SP140L: variants seen among roughly 807,000 people sequenced by gnomAD.
SP140L encodes SP140 like nuclear body protein, also known as nuclear body protein SP140-like protein.
A neutral mutation model predicts 84.3 loss-of-function variants in SP140L; 64 were observed. The observed-to-expected ratio is 0.76, with a 90% confidence interval of 0.62 to 0.94. The LOEUF is 0.94. Among genes scored for constraint, SP140L ranks in the 40% least tolerant of loss-of-function variants. SP140L has a pLI of 0.00. For missense variants in SP140L, 628 were observed against 692.5 expected (o/e 0.91, Z 1.05); for synonymous variants, 242 against 236.9 (o/e 1.02, Z -0.20).
At chr2:230,331,682 T>G (rs2059728522) in intron 2 of SP140L, among the ~76,000 whole-genome samples, 1 of 152,226 alleles carries the variant, frequency 6.6e-6, no homozygotes, top group Non-Finnish European at 1.5e-5. Context: ...TGAGTCCTTA[T>G]TGGGTCACTT....
chr2:230,337,251 T>G (rs1056582778), intron 2 of SP140L, among the ~76,000 whole-genome samples: 4 of 152,154 alleles, frequency 2.6e-5, no homozygotes, highest in Non-Finnish European at 5.9e-5. Context: ...CCAGTGATGA[T>G]GAGCATTTTT....
intron 2 of SP140L, among the ~76,000 whole-genome samples, chr2:230,348,881 C>A (rs1437732429): frequency 6.6e-6 from 1 of 152,120 alleles, no homozygotes; most frequent in Non-Finnish European, 1.5e-5. Flanking sequence ...TTGGGGAACC[C>A]AGTGAAAAAT....
Position 230,357,786 on chromosome 2 carries a change from T to C in SP140L, c.108-19T>C. Reference sequence around the variant, plus strand: ...CAGAATCTTGATGACCATTTTCATTTGGTGTCCTTTTTCCTTAGGCTGTTC... The same window carrying C: ...CAGAATCTTGATGACCATTTTCATTCGGTGTCCTTTTTCCTTAGGCTGTTC... On this transcript the variant is annotated intron_variant, in intron 2 of 18. Transcript: ENST00000415673. The C allele has an allele frequency of 6.3e-7, 1 of 1,589,638 alleles. No homozygotes were observed. Among genetic ancestry groups the C allele is most frequent in the Non-Finnish European group, 8.5e-7 (1 of 1,171,186 alleles).
At chr2:230,400,766 A>T in intron 15 of SP140L, 189 bp from the exon 16 acceptor site, 1 of 1,338,200 alleles carries the variant, frequency 7.5e-7, no homozygotes, top group Non-Finnish European at 1.0e-6. Flanking sequence ...TCCTGCTGCT[A>T]CCACTGATGC....
Position 230,344,748 on chromosome 2 carries a change from G to T in SP140L, c.108-13057G>T, listed in dbSNP as rs114932059. ...ATAATATTTTTAAATTACCCTTTTG[G>T]CTTCTTCTTTGACCTATTGGATATT... On this transcript the variant is annotated intron_variant, in intron 2 of 18. Coordinates refer to ENST00000415673, the MANE Select transcript of SP140L (RefSeq NM_138402.6). Among the ~76,000 whole-genome samples the T allele has an allele frequency of 3.8e-4, 58 of 151,874 alleles. 1 individual carries two copies. Among genetic ancestry groups the T allele is most frequent in the African/African-American group, 1.3e-3 (53 of 41,386 alleles).
intron 2 of SP140L, among the ~76,000 whole-genome samples, chr2:230,329,749 G>A (rs562635356): frequency 1.6e-4 from 25 of 152,198 alleles, no homozygotes; most frequent in African/African-American, 6.0e-4. Context: ...AACCTCTTTC[G>A]TTTATAAATT....
intron 2 of SP140L, among the ~76,000 whole-genome samples, chr2:230,330,244 T>C (rs1232688828): frequency 6.6e-6 from 1 of 152,222 alleles, no homozygotes; most frequent in Non-Finnish European, 1.5e-5. Flanking sequence ...GTTTTTATTC[T>C]TATCAATTTT....
In SP140L at chr2:230,371,840, C is replaced by T. The variant is rs760335169; in HGVS notation, c.637+189C>T. 1.8e-4 allele frequency: 107 copies of T among 590,714 alleles called. 1 individual carries two copies. The highest frequency in any genetic ancestry group is 5.5e-4 in the Admixed American group (20 of 36,410). 36.6% of individuals were successfully genotyped at this position (590,714 alleles called of 1,614,324 possible). On this transcript the variant is annotated intron_variant, in intron 7 of 18. Coordinates refer to ENST00000415673, the MANE Select transcript of SP140L (RefSeq NM_138402.6). Reference sequence around the variant, plus strand: ...GTAATCTGCTATCTTACATGGCAAACGGGACTTTACAGATACAATTAATTT... The same window carrying T: ...GTAATCTGCTATCTTACATGGCAAATGGGACTTTACAGATACAATTAATTT...
At chr2:230,330,153 A>G in intron 2 of SP140L, among the ~76,000 whole-genome samples, 1 of 151,922 alleles carries the variant, frequency 6.6e-6, no homozygotes, top group East Asian at 1.9e-4. Context: ...AATCTGGGAG[A>G]GTCATGGTTT....
chr2:230,370,062 G>A (rs559586521), intron 5 of SP140L, among the ~76,000 whole-genome samples: 45 of 152,240 alleles, frequency 3.0e-4, no homozygotes, highest in East Asian at 1.5e-3. Flanking sequence ...ATGAGCCACC[G>A]CACCCTGCCA....
chr2:230,344,408 A>G (rs1003350500), intron 2 of SP140L, among the ~76,000 whole-genome samples: 3 of 152,148 alleles, frequency 2.0e-5, no homozygotes, highest in Admixed American at 1.3e-4. Flanking sequence ...GCCTATGTGT[A>G]TCTTTGCACA....
At chr2:230,368,284 A>C (rs971767321) in intron 5 of SP140L, among the ~76,000 whole-genome samples, 6 of 152,128 alleles carry the variant, frequency 3.9e-5, no homozygotes, top group Non-Finnish European at 7.4e-5. Context: ...CAGCACCTTT[A>C]ATATGTCATT....
At chr2:230,332,480 TGAA>T (rs771627243) in intron 2 of SP140L, among the ~76,000 whole-genome samples, 73 of 152,244 alleles carry the variant, frequency 4.8e-4, no homozygotes, top group Non-Finnish European at 1.6e-4. Context: ...GGGCAGAAGA[TGAA>T]GACTTCTCCC....
chr2:230,400,257 G>C lies in SP140L; in HGVS notation c.1313+15G>C. On this transcript the variant is annotated intron_variant, in intron 15 of 18. Transcript: ENST00000415673. ...GAAAGTGAGAAGTAAGTGACATGCA[G>C]GCACCTCTCTTTCATCCTTTAAGGG... 2 of 1,612,806 alleles carry C rather than the reference G, an allele frequency of 1.2e-6. No homozygotes were observed. Among genetic ancestry groups the C allele is most frequent in the Non-Finnish European group, 1.7e-6 (2 of 1,178,842 alleles).
chr2:230,363,591 G>T (rs1352644097), intron 5 of SP140L, among the ~76,000 whole-genome samples: 11 of 151,210 alleles, frequency 7.3e-5, no homozygotes, highest in Admixed American at 7.2e-4. Context: ...TCAGACATAT[G>T]GTTTGCAAAT....
chr2:230,400,048 G>GT, intron 14 of SP140L, 79 bp from the exon 15 acceptor site: 1 of 1,459,516 alleles, frequency 6.9e-7, no homozygotes, highest in South Asian at 1.2e-5. Context: ...CACATAAGCA[G>GT]TGTGTTCTAG....
chr2:230,367,117 A>G (rs183315799), intron 5 of SP140L, among the ~76,000 whole-genome samples: 7 of 151,998 alleles, frequency 4.6e-5, no homozygotes, highest in Admixed American at 1.3e-4. Context: ...ACTCCTCTTT[A>G]GCTTTTGTGT....
At chr2:230,334,687 A>G (rs2059817762) in intron 2 of SP140L, among the ~76,000 whole-genome samples, 1 of 151,902 alleles carries the variant, frequency 6.6e-6, no homozygotes, top group Admixed American at 6.6e-5. Flanking sequence ...CAGCCTTATG[A>G]AATAATTGAG....
At chr2:230,396,883 T>C (rs1427104249) in intron 14 of SP140L, 85 bp downstream of exon 14, 10 of 1,523,388 alleles carry the variant, frequency 6.6e-6, no homozygotes, top group Non-Finnish European at 9.0e-6. Flanking sequence ...TGCTGTTGCC[T>C]GAAGCATGTT....
Sources: allele counts gnomAD v4.1 joint callset (sites outside exome capture counted in the v4.1 genomes callset), GRCh38; gene constraint gnomAD v4.1.1; transcripts MANE v1.5; gene names NCBI Gene and HGNC (gene_info 2026-07-23, HGNC 2026-07-21).